RBFOX1: variants seen among roughly 807,000 people sequenced by gnomAD.
The protein encoded by RBFOX1 is RNA binding protein fox-1 homolog 1.
In RBFOX1, 8 loss-of-function variants were observed where a neutral mutation model predicts 57.7. That is an observed-to-expected ratio of 0.14 (90% CI 0.08 to 0.25). The LOEUF (loss-of-function observed/expected upper bound fraction) is 0.25, where lower values mean the gene tolerates loss of function less well. Ranked by LOEUF, RBFOX1 falls within the 10% of genes least tolerant of loss-of-function variation. The pLI is 1.00. For synonymous variants in RBFOX1, 326 were observed against 222.4 expected (o/e 1.47, Z -4.15); for missense variants, 611 against 548.5 (o/e 1.11, Z -1.14).
chr16:6,473,759 T>A (rs2095228955), intron 2 of RBFOX1, among the ~76,000 whole-genome samples: 1 of 152,110 alleles, frequency 6.6e-6, no homozygotes, highest in East Asian at 1.9e-4. Flanking sequence ...CAGCTTCAGA[T>A]ATGGCCTGGC....
chr16:5,657,676 T>TTTCC (rs1567357046), intron 3 of RBFOX1, among the ~76,000 whole-genome samples: 1 of 64,810 alleles, frequency 1.5e-5, no homozygotes, highest in Non-Finnish European at 3.1e-5. Flanking sequence ...CTTTCTTTTC[T>TTTCC]TTTCTTTCTT....
intron 3 of RBFOX1, among the ~76,000 whole-genome samples, chr16:6,857,421 G>C (rs950504502): frequency 7.8e-6 from 1 of 127,732 alleles, no homozygotes. Flanking sequence ...CAAATCCCAT[G>C]TACGCCAGCT....
At chr16:6,153,921 A>G (rs981795857) in intron 1 of RBFOX1, among the ~76,000 whole-genome samples, 13 of 152,194 alleles carry the variant, frequency 8.5e-5, no homozygotes, top group African/African-American at 3.1e-4. Flanking sequence ...TCCATTCCTG[A>G]GGTAAGGTGA....
chr16:7,595,081 C>A (rs983742129), intron 7 of RBFOX1, among the ~76,000 whole-genome samples: 21 of 152,138 alleles, frequency 1.4e-4, no homozygotes, highest in Non-Finnish European at 2.9e-4. Context: ...TAAAACCACA[C>A]GGCATGACTC....
At chr16:7,052,198 C>T (rs1212997323) in intron 4 of RBFOX1, 100 bp downstream of exon 4, 12 of 1,488,716 alleles carry the variant, frequency 8.1e-6, no homozygotes, top group South Asian at 4.2e-5. Context: ...AAATAACAGG[C>T]TTCATCTTAA....
At chr16:7,177,823 T>A (rs2081975578) in intron 4 of RBFOX1, among the ~76,000 whole-genome samples, 5 of 152,208 alleles carry the variant, frequency 3.3e-5, no homozygotes. Context: ...CATAAATGAA[T>A]GAGCATGGCT....
chr16:5,558,864 C>T (rs915879274), intron 2 of RBFOX1, among the ~76,000 whole-genome samples: 15 of 152,134 alleles, frequency 9.9e-5, no homozygotes, highest in Admixed American at 3.9e-4. Flanking sequence ...GGTCCACGTA[C>T]AAGAGAGACA....
Position 6,539,806 on chromosome 16 carries a change from G to GACACACACACAC in RBFOX1, c.-63-114777_-63-114766dup, listed in dbSNP as rs35407844. 5.5e-3 allele frequency among the ~76,000 whole-genome samples: 755 copies of GACACACACACAC among 136,292 alleles called. 25 individuals are homozygous for GACACACACACAC. Among genetic ancestry groups the GACACACACACAC allele is most frequent in the South Asian group, 0.011 (41 of 3,904 alleles). 89.4% of individuals were successfully genotyped at this position (136,292 alleles called of 152,430 possible). On this transcript the variant is annotated intron_variant, in intron 2 of 15. Coordinates refer to ENST00000550418, the MANE Select transcript of RBFOX1 (RefSeq NM_018723.4). Reference sequence around the variant, plus strand: ...GACTGAGGCTGCATCTCAAAACACAGACACACACACACACACACACACACA... The same window carrying GACACACACACAC: ...GACTGAGGCTGCATCTCAAAACACAGACACACACACACACACACACACACACACACACACACA...
At chr16:5,979,601 C>G (rs1168550493) in intron 4 of RBFOX1, among the ~76,000 whole-genome samples, 1 of 152,174 alleles carries the variant, frequency 6.6e-6, no homozygotes, top group Non-Finnish European at 1.5e-5. Context: ...TGGTGGCTCA[C>G]GCCTCTAATC....
At chr16:7,096,353 A>T (rs1025117131) in intron 4 of RBFOX1, among the ~76,000 whole-genome samples, 1 of 152,154 alleles carries the variant, frequency 6.6e-6, no homozygotes, top group Non-Finnish European at 1.5e-5. Context: ...CATGTCATGG[A>T]AACTCTGACT....
At chr16:6,493,931 G>C (rs141887061) in intron 2 of RBFOX1, among the ~76,000 whole-genome samples, 1 of 152,148 alleles carries the variant, frequency 6.6e-6, no homozygotes, top group South Asian at 2.1e-4. Context: ...ATCTACAGTA[G>C]CATCAGCGTG....
intron 1 of RBFOX1, among the ~76,000 whole-genome samples, chr16:6,209,427 T>C (rs1235567627): frequency 6.6e-6 from 1 of 152,188 alleles, no homozygotes; most frequent in African/African-American, 2.4e-5. Context: ...AACTTCCTTG[T>C]TAATCCGTCT....
intron 3 of RBFOX1, among the ~76,000 whole-genome samples, chr16:5,844,831 C>T (rs910297127): frequency 1.3e-5 from 2 of 152,120 alleles, no homozygotes; most frequent in African/African-American, 2.4e-5. Context: ...GTTTCCCTTA[C>T]ACGTTGAGAT....
chr16:6,660,743 A>G (rs1259379614), intron 3 of RBFOX1, among the ~76,000 whole-genome samples: 1 of 149,244 alleles, frequency 6.7e-6, no homozygotes, highest in African/African-American at 2.4e-5. Flanking sequence ...TAAGAACTGG[A>G]TTAACTGTAG....
At position 7,030,631 on chromosome 16, in the gene RBFOX1, C is replaced by G. The variant is rs370917110; in HGVS notation, c.-15-21426C>G. Among the ~76,000 whole-genome samples, 9 of 152,116 alleles carry G rather than the reference C, an allele frequency of 5.9e-5. 1 individual carries two copies. Among genetic ancestry groups the G allele is most frequent in the Admixed American group, 2.0e-4 (3 of 15,264 alleles). ...TGGACACTCCCTTTGGATCTAGGACCTACTCTAATCTACTATGATTTTCTC... is the reference window on the plus strand; with the variant it reads ...TGGACACTCCCTTTGGATCTAGGACGTACTCTAATCTACTATGATTTTCTC... On this transcript the variant is annotated intron_variant, in intron 3 of 15. Coordinates refer to ENST00000550418, the MANE Select transcript of RBFOX1 (RefSeq NM_018723.4).
At chr16:5,821,033 C>T (rs1034072387) in intron 3 of RBFOX1, among the ~76,000 whole-genome samples, 2 of 152,112 alleles carry the variant, frequency 1.3e-5, no homozygotes, top group Admixed American at 6.5e-5. Context: ...GATTTTCCCT[C>T]GTTTCCCTTT....
intron 5 of RBFOX1, among the ~76,000 whole-genome samples, chr16:7,522,083 C>T (rs1055484597): frequency 1.3e-5 from 2 of 152,136 alleles, no homozygotes; most frequent in African/African-American, 4.8e-5. Flanking sequence ...AGTGTCCCAG[C>T]CCTGGGGTCA....
At chr16:6,775,921 T>G (rs2079250684) in intron 3 of RBFOX1, 1 of 152,188 alleles carries the variant, frequency 6.6e-6, no homozygotes. Context: ...TTTCCAAGTC[T>G]CCTGTGGGTG....
chr16:6,857,209 T>G (rs1022135423), intron 3 of RBFOX1, among the ~76,000 whole-genome samples: 4 of 152,212 alleles, frequency 2.6e-5, no homozygotes, highest in African/African-American at 9.6e-5. Flanking sequence ...TGGCTCTCTC[T>G]ACGCTGATAT....
Sources: gnomAD v4.1 joint callset for allele counts (sites outside exome capture counted in the v4.1 genomes callset) on GRCh38, gnomAD v4.1.1 for gene constraint, MANE v1.5 for transcripts, NCBI Gene and HGNC (gene_info 2026-07-23, HGNC 2026-07-21) for gene names.